Variants in STK33 observed in about 807,000 individuals in gnomAD.
STK33 encodes the protein serine/threonine-protein kinase 33.
Under a neutral mutation model 58.0 loss-of-function variants are expected in STK33, and 52 were observed. That is an observed-to-expected ratio of 0.90 (90% CI 0.72 to 1.13). The LOEUF (loss-of-function observed/expected upper bound fraction) is 1.13, where lower values mean the gene tolerates loss of function less well. Ranked by LOEUF, STK33 falls within the 50% of genes most tolerant of loss-of-function variation. The pLI is 0.00. For missense variants in STK33, 630 were observed against 604.2 expected (o/e 1.04, Z -0.45); for synonymous variants, 215 against 200.1 (o/e 1.07, Z -0.63).
intron 15 of STK33, among the ~76,000 whole-genome samples, chr11:8,399,954 C>A (rs1322387489): frequency 2.0e-5 from 3 of 152,114 alleles, no homozygotes; most frequent in African/African-American, 4.8e-5. Context: ...CAATAACAGG[C>A]TCTGAAATTG....
chr11:8,353,810 C>A, the STK33 span, among the ~76,000 whole-genome samples: 26 of 152,262 alleles, frequency 1.7e-4, no homozygotes, highest in African/African-American at 5.5e-4. Context: ...CTCATCTGTG[C>A]CATTCTTCCT....
intron 1 of STK33, among the ~76,000 whole-genome samples, chr11:8,536,971 G>GT (rs1414218820): frequency 1.2e-4 from 5 of 40,940 alleles, no homozygotes; most frequent in Non-Finnish European, 1.8e-4. Context: ...AAAAAAAAAA[G>GT]ATTTTTTTTT....
At chr11:8,343,420 C>T in the STK33 span, among the ~76,000 whole-genome samples, 3 of 152,224 alleles carry the variant, frequency 2.0e-5, no homozygotes, top group Non-Finnish European at 4.4e-5. Flanking sequence ...ATTCCTGGCA[C>T]GATGAGTTCT....
intron 1 of STK33, among the ~76,000 whole-genome samples, chr11:8,545,644 G>A (rs1356732295): frequency 6.6e-6 from 1 of 152,176 alleles, no homozygotes; most frequent in Non-Finnish European, 1.5e-5. Context: ...ATTAGGCACA[G>A]TGAAAGAAGC....
intron 1 of STK33, among the ~76,000 whole-genome samples, chr11:8,578,530 T>A (rs912316972): frequency 6.6e-6 from 1 of 151,958 alleles, no homozygotes; most frequent in Non-Finnish European, 1.5e-5. Context: ...ACCACTTGTA[T>A]AAAATAAGGG....
At chr11:8,364,221 G>A in the STK33 span, among the ~76,000 whole-genome samples, 19 of 152,312 alleles carry the variant, frequency 1.2e-4, no homozygotes, top group East Asian at 2.5e-3. Flanking sequence ...CGACGTCGTC[G>A]GTGGACGTTC....
intron 1 of STK33, among the ~76,000 whole-genome samples, chr11:8,559,892 A>G (rs183488595): frequency 2.0e-5 from 3 of 152,270 alleles, no homozygotes; most frequent in East Asian, 1.9e-4. Context: ...AGCTCATACT[A>G]TACCTATTCT....
At chr11:8,458,298 C>A (rs118138946) in intron 8 of STK33, among the ~76,000 whole-genome samples, 2,716 of 151,920 alleles carry the variant, frequency 0.018, 36 homozygotes, top group Non-Finnish European at 0.03. Context: ...ATAAACAACA[C>A]AACAAAACTT....
intron 1 of STK33, among the ~76,000 whole-genome samples, chr11:8,523,677 A>C (rs1953744231): frequency 6.8e-6 from 1 of 146,234 alleles, no homozygotes; most frequent in Non-Finnish European, 1.5e-5. Flanking sequence ...AGCCCCCGCC[A>C]GGCAGCCGCC....
the STK33 span, among the ~76,000 whole-genome samples, chr11:8,385,771 T>C: frequency 6.6e-6 from 1 of 151,394 alleles, no homozygotes; most frequent in Non-Finnish European, 1.5e-5. Flanking sequence ...AGTCTCTCAA[T>C]CCAGTTCCTT....
chr11:8,527,790 T>C (rs1392872549), intron 1 of STK33, among the ~76,000 whole-genome samples: 2 of 152,176 alleles, frequency 1.3e-5, no homozygotes, highest in African/African-American at 4.8e-5. Context: ...ATATGAGTAT[T>C]TTCCAGAGGA....
chr11:8,405,035 G>A (rs910428942), intron 15 of STK33, among the ~76,000 whole-genome samples: 4 of 152,144 alleles, frequency 2.6e-5, no homozygotes, highest in African/African-American at 9.7e-5. Context: ...CTACCCAGGA[G>A]GCTGAGGCAG....
intron 1 of STK33, among the ~76,000 whole-genome samples, chr11:8,519,340 CA>C (rs1398394594): frequency 6.6e-6 from 1 of 152,136 alleles, no homozygotes; most frequent in Non-Finnish European, 1.5e-5. Flanking sequence ...ACATTTAAAG[CA>C]GTGTATAGAG....
intron 15 of STK33, among the ~76,000 whole-genome samples, chr11:8,396,574 G>C (rs1381644122): frequency 6.6e-6 from 1 of 152,196 alleles, no homozygotes; most frequent in African/African-American, 2.4e-5. Context: ...GGTGATTTCT[G>C]CATTTCCAAC....
chr11:8,512,146 A>T (rs888915705), intron 1 of STK33, among the ~76,000 whole-genome samples: 1 of 152,210 alleles, frequency 6.6e-6, no homozygotes, highest in Non-Finnish European at 1.5e-5. Context: ...TGTTGGGTCA[A>T]TAATCTATAG....
intron 6 of STK33, chr11:8,466,556 T>G (rs1389542657): frequency 6.6e-6 from 1 of 152,238 alleles, no homozygotes; most frequent in Non-Finnish European, 1.5e-5. Context: ...CCTGTAGCTT[T>G]GCAAGGTACA....
intron 15 of STK33, among the ~76,000 whole-genome samples, chr11:8,412,381 ATAT>A (rs763322366): frequency 6.6e-6 from 1 of 152,264 alleles, no homozygotes; most frequent in African/African-American, 2.4e-5. Flanking sequence ...TATGGTAAAA[ATAT>A]TATAATCTCA....
intron 1 of STK33, among the ~76,000 whole-genome samples, chr11:8,548,860 C>A (rs999627960): frequency 1.2e-4 from 18 of 151,388 alleles, no homozygotes; most frequent in African/African-American, 4.4e-4. Flanking sequence ...TAAATTTATC[C>A]CTAGGTGTTT....
At chr11:8,359,494 T>C in the STK33 span, among the ~76,000 whole-genome samples, 3 of 152,180 alleles carry the variant, frequency 2.0e-5, no homozygotes, top group African/African-American at 7.2e-5. Flanking sequence ...GGTCCAATGC[T>C]GGGGAAAACA....
Sources: gnomAD v4.1 joint callset for allele counts (sites outside exome capture counted in the v4.1 genomes callset) on GRCh38, gnomAD v4.1.1 for gene constraint, MANE v1.5 for transcripts, NCBI Gene and HGNC (gene_info 2026-07-23, HGNC 2026-07-21) for gene names.